Variants in SLIT2 observed in about 807,000 individuals in gnomAD.
SLIT2 encodes the protein slit guidance ligand 2.
SLIT2 carries 41 observed loss-of-function variants against 185.7 expected under a neutral mutation model. That is an observed-to-expected ratio of 0.22 (90% confidence interval 0.17 to 0.29). SLIT2 has a LOEUF of 0.29. Among genes scored for constraint, SLIT2 ranks in the 10% least tolerant of loss-of-function variants. The pLI is 1.00. For synonymous variants in SLIT2, 693 were observed against 680.2 expected, an observed-to-expected ratio of 1.02 and a Z score of -0.29; for missense variants, 1,571 against 1,909.0, an observed-to-expected ratio of 0.82 and a Z score of 3.30.
intron 4 of SLIT2, among the ~76,000 whole-genome samples, chr4:20,305,199 A>G (rs1377537642): frequency 6.6e-6 from 1 of 152,274 alleles, no homozygotes; most frequent in Non-Finnish European, 1.5e-5. Context: ...TTTGGTTATC[A>G]TGTACCCCTG....
chr4:20,285,156 C>T (rs1715146097), intron 4 of SLIT2, among the ~76,000 whole-genome samples: 1 of 152,206 alleles, frequency 6.6e-6, no homozygotes, highest in African/African-American at 2.4e-5. Context: ...GCCATACACT[C>T]CTCTGTGAAT....
In SLIT2 at chr4:20,488,282, G is replaced by A. The variant is rs77234224; in HGVS notation, c.612-537G>A. ...TTTCTGTGATTAAACAACAAAAGAA[G>A]GAAATGAGAATAAGGGTGTGAAAAA... On this transcript the variant is annotated intron_variant, in intron 7 of 36. Transcript: ENST00000504154. 4.2e-3 allele frequency among the ~76,000 whole-genome samples: 636 copies of A among 152,236 alleles called. 19 individuals carry two copies. In the East Asian group the frequency reaches 0.11, roughly 27 times the overall value.
chr4:20,479,190 C>A (rs545745195), intron 5 of SLIT2, among the ~76,000 whole-genome samples: 2 of 152,202 alleles, frequency 1.3e-5, no homozygotes, highest in Non-Finnish European at 2.9e-5. Context: ...ATGATTGTGT[C>A]CCCTAGAGAA....
chr4:20,417,537 T>C (rs150138650), intron 4 of SLIT2, among the ~76,000 whole-genome samples: 1 of 150,348 alleles, frequency 6.7e-6, no homozygotes, highest in East Asian at 2.0e-4. Context: ...TATATATATG[T>C]ATATATATAG....
chr4:20,295,926 C>G (rs1716427807), intron 4 of SLIT2, among the ~76,000 whole-genome samples: 1 of 152,140 alleles, frequency 6.6e-6, no homozygotes, highest in Admixed American at 6.5e-5. Context: ...TGTTCTTTGC[C>G]ACAGTGCTCT....
intron 4 of SLIT2, among the ~76,000 whole-genome samples, chr4:20,450,329 AT>A (rs1361716842): frequency 6.6e-6 from 1 of 152,126 alleles, no homozygotes; most frequent in Non-Finnish European, 1.5e-5. Flanking sequence ...TTGGGGCTAC[AT>A]TTTTTTATTG....
chr4:20,303,283 C>T (rs1034129469), intron 4 of SLIT2, among the ~76,000 whole-genome samples: 1 of 152,144 alleles, frequency 6.6e-6, no homozygotes, highest in Non-Finnish European at 1.5e-5. Flanking sequence ...TTTGCAGATA[C>T]AAGGCTTTGA....
intron 26 of SLIT2, among the ~76,000 whole-genome samples, chr4:20,554,495 GA>G (rs1724065291): frequency 1.3e-5 from 2 of 152,032 alleles, no homozygotes; most frequent in Admixed American, 6.6e-5. Flanking sequence ...AATATTGTCA[GA>G]ATAACAAATA....
chr4:20,567,229 G>A (rs144365629), intron 26 of SLIT2, 33 bp from the exon 27 acceptor site: 1,053 of 1,580,598 alleles, frequency 6.7e-4, no homozygotes, highest in South Asian at 1.0e-3. Context: ...CTGGAAGAGC[G>A]TCAGTTGCTT....
chr4:20,285,089 T>C (rs190314866), intron 4 of SLIT2, among the ~76,000 whole-genome samples: 2 of 152,214 alleles, frequency 1.3e-5, no homozygotes, highest in East Asian at 3.9e-4. Context: ...GTACAAGGGG[T>C]GGAGAAGAAT....
At chr4:20,618,679 G>A (rs1399286412) in intron 36 of SLIT2, 89 bp from the exon 37 acceptor site, 1 of 1,347,580 alleles carries the variant, frequency 7.4e-7, no homozygotes, top group Non-Finnish European at 1.0e-6. Flanking sequence ...GGAAGCAAAG[G>A]CTTCTGAATT....
At chr4:20,573,193 T>C (rs1183708961) in intron 29 of SLIT2, 1 of 702,938 alleles carries the variant, frequency 1.4e-6, no homozygotes, top group South Asian at 1.5e-5. Context: ...TGTATTGCAA[T>C]GTAAAAAGTC....
Position 20,254,064 on chromosome 4 carries a change from C to G in SLIT2, c.179+70C>G. 2 of 1,485,902 alleles carry G rather than the reference C, an allele frequency of 1.3e-6. No individual in the cohort carries two copies. The highest frequency in any genetic ancestry group is 1.2e-5 in the South Asian group (1 of 83,170). 92.0% of individuals were successfully genotyped at this position (1,485,902 alleles called of 1,614,324 possible). ...GCACCCCTGCCTCCACTGGAGGAAC[C>G]TGTCAGCTCAGGGTCCTGTGCCTGG... On this transcript the variant is annotated intron_variant, in intron 1 of 36. Transcript: ENST00000504154. The surrounding 1 kb of genome is among the most constrained non-coding windows in gnomAD (Gnocchi z 5.1).
intron 4 of SLIT2, among the ~76,000 whole-genome samples, chr4:20,287,797 A>T (rs1393255356): frequency 7.2e-5 from 11 of 152,200 alleles, no homozygotes; most frequent in Non-Finnish European, 1.3e-4. Context: ...TTCCCACAGC[A>T]CTTAATATAG....
chr4:20,429,754 A>G (rs552974316), intron 4 of SLIT2, among the ~76,000 whole-genome samples: 1 of 152,280 alleles, frequency 6.6e-6, no homozygotes, highest in East Asian at 1.9e-4. Flanking sequence ...GGAAATGGAA[A>G]ATCCCTGTGC....
intron 4 of SLIT2, among the ~76,000 whole-genome samples, chr4:20,319,215 T>A (rs371372139): frequency 2.0e-5 from 3 of 152,224 alleles, no homozygotes; most frequent in East Asian, 1.9e-4. Context: ...GTGGACTATC[T>A]ATTTAAATTA....
At chr4:20,579,758 T>C (rs555458567) in intron 29 of SLIT2, among the ~76,000 whole-genome samples, 1 of 151,844 alleles carries the variant, frequency 6.6e-6, no homozygotes, top group Admixed American at 6.6e-5. Context: ...ATTTTTAAAC[T>C]ATTCTTACTC....
chr4:20,404,208 C>G (rs1205407992), intron 4 of SLIT2, among the ~76,000 whole-genome samples: 1 of 151,936 alleles, frequency 6.6e-6, no homozygotes, highest in Non-Finnish European at 1.5e-5. Context: ...TTACTAGTTT[C>G]TATTGTGTCT....
chr4:20,409,419 G>T (rs1030008130), intron 4 of SLIT2, among the ~76,000 whole-genome samples: 3 of 152,164 alleles, frequency 2.0e-5, no homozygotes, highest in African/African-American at 4.8e-5. Context: ...TTTTATGACT[G>T]CATAGTATTC....
Sources: allele counts gnomAD v4.1 joint callset (sites outside exome capture counted in the v4.1 genomes callset), GRCh38; gene constraint gnomAD v4.1.1; non-coding constraint Gnocchi (gnomAD v3.1); transcripts MANE v1.5; gene names NCBI Gene and HGNC (gene_info 2026-07-23, HGNC 2026-07-21).